The following SLC25A13 variants were observed in gnomAD, a reference collection of about 807,000 sequenced individuals.
SLC25A13 encodes electrogenic aspartate/glutamate antiporter SLC25A13, mitochondrial.
In SLC25A13, 70 loss-of-function variants were observed where a neutral mutation model predicts 85.5. That is an observed-to-expected ratio of 0.82 (90% confidence interval 0.68 to 1.00). SLC25A13 has a LOEUF of 1.00. SLC25A13 is among the 50% of genes least tolerant of loss of function. The pLI is 0.00. For missense variants in SLC25A13, 765 were observed against 819.8 expected (o/e 0.93, Z 0.82); for synonymous variants, 259 against 288.7 (o/e 0.90, Z 1.04).
intron 3 of SLC25A13, among the ~76,000 whole-genome samples, chr7:96,243,693 T>C (rs1164306556): frequency 6.6e-6 from 1 of 151,904 alleles, no homozygotes; most frequent in Non-Finnish European, 1.5e-5. Flanking sequence ...ATCTGAATGG[T>C]GAAAAGCAGC....
intron 14 of SLC25A13, among the ~76,000 whole-genome samples, chr7:96,144,728 G>T (rs1792707457): frequency 6.6e-6 from 1 of 152,156 alleles, no homozygotes; most frequent in South Asian, 2.1e-4. Flanking sequence ...CTACTTCCAA[G>T]AAGTGTTAAA....
At chr7:96,171,798 C>G (rs2116583215) in intron 11 of SLC25A13, among the ~76,000 whole-genome samples, 1 of 152,278 alleles carries the variant, frequency 6.6e-6, no homozygotes, top group Admixed American at 6.5e-5. Context: ...ATTATTCCCC[C>G]AAAGTCTGCT....
At chr7:96,287,523 T>C (rs1158073665) in intron 2 of SLC25A13, among the ~76,000 whole-genome samples, 1 of 152,170 alleles carries the variant, frequency 6.6e-6, no homozygotes, top group East Asian at 1.9e-4. Flanking sequence ...CCTCTCTAGG[T>C]CTACCTGATC....
intron 5 of SLC25A13, among the ~76,000 whole-genome samples, chr7:96,201,087 C>A (rs1795238767): frequency 6.6e-6 from 1 of 152,124 alleles, no homozygotes; most frequent in African/African-American, 2.4e-5. Flanking sequence ...TTTGAGAACA[C>A]CAAATGATGC....
At chr7:96,142,001 T>G (rs1257953147) in intron 14 of SLC25A13, among the ~76,000 whole-genome samples, 2 of 152,208 alleles carry the variant, frequency 1.3e-5, no homozygotes, top group Non-Finnish European at 2.9e-5. Flanking sequence ...CAGCAAACAG[T>G]TAAACAAAAA....
chr7:96,124,923 G>T (rs1791664107), intron 15 of SLC25A13, among the ~76,000 whole-genome samples: 1 of 152,104 alleles, frequency 6.6e-6, no homozygotes, highest in Admixed American at 6.5e-5. Flanking sequence ...CTCCAGCAAG[G>T]GGAGGACTTT....
intron 14 of SLC25A13, among the ~76,000 whole-genome samples, chr7:96,143,993 G>A (rs947333130): frequency 6.6e-6 from 1 of 152,146 alleles, no homozygotes. Context: ...TACTGTGTGA[G>A]GTCACCCCTA....
chr7:96,259,633 T>TG (rs1010243111), intron 3 of SLC25A13, among the ~76,000 whole-genome samples: 2 of 152,184 alleles, frequency 1.3e-5, no homozygotes, highest in African/African-American at 4.8e-5. Flanking sequence ...TCAACCATTG[T>TG]GGAAGTCAGT....
chr7:96,194,074 T>C (rs1190296144), intron 5 of SLC25A13, among the ~76,000 whole-genome samples: 5 of 152,080 alleles, frequency 3.3e-5, no homozygotes, highest in Non-Finnish European at 7.4e-5. Context: ...TTTATTATCT[T>C]CCTCACAACA....
intron 14 of SLC25A13, among the ~76,000 whole-genome samples, chr7:96,132,362 T>C (rs990735378): frequency 6.6e-6 from 1 of 152,162 alleles, no homozygotes; most frequent in East Asian, 1.9e-4. Context: ...CAGAAAGAAA[T>C]TACACATACA....
chr7:96,250,957 G>A (rs1169956935), intron 3 of SLC25A13, among the ~76,000 whole-genome samples: 2 of 152,060 alleles, frequency 1.3e-5, no homozygotes, highest in African/African-American at 4.8e-5. Flanking sequence ...TGCCAGCCAC[G>A]TTCTAGGATC....
intron 4 of SLC25A13, among the ~76,000 whole-genome samples, chr7:96,230,549 C>T (rs998658050): frequency 3.3e-5 from 5 of 152,224 alleles, no homozygotes; most frequent in African/African-American, 1.2e-4. Context: ...TTTCTCCTCA[C>T]ATACAGAATC....
At chr7:96,306,713 A>G in intron 1 of SLC25A13, 1 of 938,832 alleles carries the variant, frequency 1.1e-6, no homozygotes. Context: ...GCTTAGTCCC[A>G]TCCACTTCCA....
chr7:96,186,828 T>C (rs975062523), intron 9 of SLC25A13, among the ~76,000 whole-genome samples: 3 of 152,216 alleles, frequency 2.0e-5, no homozygotes, highest in African/African-American at 7.2e-5. Flanking sequence ...TAAGACTATA[T>C]ACAAAATGAT....
chr7:96,237,073 C>T (rs1562867530), intron 3 of SLC25A13, among the ~76,000 whole-genome samples: 1 of 152,202 alleles, frequency 6.6e-6, no homozygotes, highest in Non-Finnish European at 1.5e-5. Flanking sequence ...ACCCCCTTTC[C>T]TTTCAGCCAA....
At chr7:96,307,940 T>TCA (rs1448422266) in intron 1 of SLC25A13, among the ~76,000 whole-genome samples, 1 of 151,610 alleles carries the variant, frequency 6.6e-6, no homozygotes, top group African/African-American at 2.4e-5. Context: ...TCACCTGAGG[T>TCA]CAGGAGTTCA....
intron 3 of SLC25A13, among the ~76,000 whole-genome samples, chr7:96,254,014 G>A (rs904378128): frequency 6.6e-6 from 1 of 152,118 alleles, no homozygotes; most frequent in African/African-American, 2.4e-5. Context: ...GTGTGTGTGT[G>A]CTGTATGTGT....
intron 15 of SLC25A13, among the ~76,000 whole-genome samples, chr7:96,130,181 G>C (rs1413761059): frequency 6.6e-6 from 1 of 152,050 alleles, no homozygotes; most frequent in African/African-American, 2.4e-5. Flanking sequence ...TCGTTTCTGG[G>C]TACCTGTCTT....
At chr7:96,247,823 C>A (rs891226331) in intron 3 of SLC25A13, among the ~76,000 whole-genome samples, 1 of 151,906 alleles carries the variant, frequency 6.6e-6, no homozygotes. Flanking sequence ...AACACATGCA[C>A]CACATAGTTG....
Sources: gnomAD v4.1 joint callset for allele counts (sites outside exome capture counted in the v4.1 genomes callset) on GRCh38, gnomAD v4.1.1 for gene constraint, MANE v1.5 for transcripts, NCBI Gene and HGNC (gene_info 2026-07-23, HGNC 2026-07-21) for gene names.